Variants in CCSER1 observed in about 807,000 individuals in gnomAD.
CCSER1 encodes the protein coiled-coil serine rich protein 1.
A neutral mutation model predicts 82.0 loss-of-function variants in CCSER1; 41 were observed. The observed-to-expected ratio is 0.50, with a 90% CI of 0.39 to 0.65. The LOEUF is 0.65. CCSER1 is among the 30% of genes least tolerant of loss of function. The pLI is 0.00. For synonymous variants in CCSER1, 414 were observed against 383.9 expected (o/e 1.08, Z -0.92); for missense variants, 1,119 against 1,064.2 (o/e 1.05, Z -0.72).
chr4:91,257,349 T>A (rs1456566923), intron 10 of CCSER1, among the ~76,000 whole-genome samples: 1 of 152,040 alleles, frequency 6.6e-6, no homozygotes, highest in African/African-American at 2.4e-5. Context: ...CAGACAGTAA[T>A]TAATCCTAAT....
intron 5 of CCSER1, among the ~76,000 whole-genome samples, chr4:90,583,115 T>C (rs1289334567): frequency 6.6e-6 from 1 of 152,186 alleles, no homozygotes; most frequent in Non-Finnish European, 1.5e-5. Context: ...ACTCAATGGT[T>C]TTGTGAGTCC....
intron 8 of CCSER1, among the ~76,000 whole-genome samples, chr4:90,820,296 GT>G (rs1232553822): frequency 3.3e-5 from 5 of 152,120 alleles, no homozygotes; most frequent in Non-Finnish European, 7.4e-5. Context: ...GTTTTGTGCT[GT>G]TCTAACAAAA....
intron 10 of CCSER1, among the ~76,000 whole-genome samples, chr4:91,365,611 A>G (rs537671084): frequency 6.6e-6 from 1 of 152,338 alleles, no homozygotes; most frequent in East Asian, 1.9e-4. Context: ...AGTAATTTAT[A>G]AAGGAATATT....
chr4:91,110,888 T>G, intron 10 of CCSER1, among the ~76,000 whole-genome samples: 1 of 152,042 alleles, frequency 6.6e-6, no homozygotes, highest in Middle Eastern at 3.4e-3. Context: ...TTTGGGGTCA[T>G]TTAGAAATAA....
intron 7 of CCSER1, among the ~76,000 whole-genome samples, chr4:90,804,322 C>T (rs1330765846): frequency 1.3e-5 from 2 of 152,098 alleles, no homozygotes; most frequent in African/African-American, 4.8e-5. Flanking sequence ...CCCAAGTTTT[C>T]TTCTAGAATT....
At chr4:90,524,875 TC>T (rs903519593) in intron 5 of CCSER1, among the ~76,000 whole-genome samples, 27 of 152,106 alleles carry the variant, frequency 1.8e-4, no homozygotes, top group African/African-American at 4.8e-4. Context: ...CACCTTTTTT[TC>T]AATCAATCAA....
chr4:91,251,898 G>A (rs181398981), intron 10 of CCSER1, among the ~76,000 whole-genome samples: 1 of 152,160 alleles, frequency 6.6e-6, no homozygotes, highest in East Asian at 1.9e-4. Context: ...TAACAGAAGA[G>A]GTATGGTTAG....
At chr4:91,284,586 G>C (rs1293022665) in intron 10 of CCSER1, among the ~76,000 whole-genome samples, 1 of 152,004 alleles carries the variant, frequency 6.6e-6, no homozygotes, top group African/African-American at 2.4e-5. Context: ...TCTCCAAAGT[G>C]CCATCAGACT....
intron 7 of CCSER1, among the ~76,000 whole-genome samples, chr4:90,791,191 G>A (rs1317901549): frequency 2.0e-5 from 3 of 152,058 alleles, no homozygotes; most frequent in East Asian, 1.9e-4. Flanking sequence ...ACCATGGGGG[G>A]AAACTGTCCC....
chr4:91,499,270 T>A (rs981079041), intron 10 of CCSER1, among the ~76,000 whole-genome samples: 2 of 152,106 alleles, frequency 1.3e-5, no homozygotes, highest in African/African-American at 4.8e-5. Context: ...GTAGTTACTA[T>A]GTATTTTGAA....
chr4:90,171,150 T>TA (rs1219149536), intron 1 of CCSER1, among the ~76,000 whole-genome samples: 15 of 149,836 alleles, frequency 1.0e-4, no homozygotes, highest in Middle Eastern at 3.4e-3. Context: ...AATTAAAAAT[T>TA]AAAAAAAAGT....
chr4:90,246,111 T>A (rs981541651), intron 1 of CCSER1, among the ~76,000 whole-genome samples: 48 of 152,210 alleles, frequency 3.2e-4, no homozygotes, highest in African/African-American at 1.1e-3. Context: ...ATTTCAAAGA[T>A]AATGTAGTCT....
chr4:91,504,990 T>C (rs1759409395), intron 10 of CCSER1, among the ~76,000 whole-genome samples: 1 of 152,226 alleles, frequency 6.6e-6, no homozygotes, highest in Non-Finnish European at 1.5e-5. Context: ...ACAGGTTTGC[T>C]ATATGGGTAA....
intron 10 of CCSER1, among the ~76,000 whole-genome samples, chr4:91,365,786 C>T (rs534308438): frequency 8.5e-5 from 13 of 152,200 alleles, no homozygotes; most frequent in Admixed American, 4.6e-4. Flanking sequence ...TGAACCTAAG[C>T]CTACAACCAA....
At chr4:90,755,957 C>T (rs1484162611) in intron 7 of CCSER1, among the ~76,000 whole-genome samples, 3 of 152,098 alleles carry the variant, frequency 2.0e-5, no homozygotes, top group Non-Finnish European at 2.9e-5. Context: ...CAGCCACAGT[C>T]GCTCAGGCCT....
intron 10 of CCSER1, among the ~76,000 whole-genome samples, chr4:91,350,919 T>G (rs1389230036): frequency 6.6e-6 from 1 of 152,024 alleles, no homozygotes; most frequent in East Asian, 1.9e-4. Context: ...TATTATTATT[T>G]TATACGGGGA....
chr4:90,945,391 T>C (rs1440133122), intron 9 of CCSER1, among the ~76,000 whole-genome samples: 1 of 152,188 alleles, frequency 6.6e-6, no homozygotes, highest in Admixed American at 6.5e-5. Context: ...TTTCTTTCAG[T>C]TATACTATAG....
In CCSER1 at chr4:90,711,533, A is replaced by G. The variant is rs185344611; in HGVS notation, c.1933-12381A>G. Among the ~76,000 whole-genome samples, 4 of 152,128 alleles carry G rather than the reference A, an allele frequency of 2.6e-5. No homozygotes were observed. In the East Asian group the frequency reaches 7.7e-4, roughly 29 times the overall value. On this transcript the variant is annotated intron_variant, in intron 6 of 10. Transcript: ENST00000509176. ...AATACTTAGTTTATTAAGAGTTTTTAAACATGAAGAGATGTTGAATTTTAT... is the reference window on the plus strand; with the variant it reads ...AATACTTAGTTTATTAAGAGTTTTTGAACATGAAGAGATGTTGAATTTTAT...
intron 1 of CCSER1, among the ~76,000 whole-genome samples, chr4:90,169,072 G>A (rs983676333): frequency 6.6e-6 from 1 of 151,958 alleles, no homozygotes; most frequent in Non-Finnish European, 1.5e-5. Context: ...TGGGCAGTAT[G>A]GCCATGTTCA....
Sources: gnomAD v4.1 joint callset for allele counts (sites outside exome capture counted in the v4.1 genomes callset) on GRCh38, gnomAD v4.1.1 for gene constraint, MANE v1.5 for transcripts, NCBI Gene and HGNC (gene_info 2026-07-23, HGNC 2026-07-21) for gene names.